The following PIK3C3 variants were observed in gnomAD, a reference collection of about 807,000 sequenced individuals.
The protein encoded by PIK3C3 is PI3-kinase type 3.
Under a neutral mutation model 126.1 loss-of-function variants are expected in PIK3C3, and 95 were observed. That is an observed-to-expected ratio of 0.75 (90% CI 0.64 to 0.89). The LOEUF is 0.89. PIK3C3 is among the 40% of genes least tolerant of loss of function. The probability of loss-of-function intolerance (pLI) is 0.00; values close to 1 mark genes in which losing one functional copy is unlikely to be tolerated. For synonymous variants in PIK3C3, 374 were observed against 360.0 expected (o/e 1.04, Z -0.44); for missense variants, 829 against 1,063.2 (o/e 0.78, Z 3.06).
At position 42,036,288 on chromosome 18, in the gene PIK3C3, G is replaced by C. The variant is rs568295789; in HGVS notation, c.1840-1404G>C. On this transcript the variant is annotated intron_variant, in intron 16 of 24. Coordinates refer to ENST00000262039, the MANE Select transcript of PIK3C3 (RefSeq NM_002647.4). The stretch of plus-strand genomic sequence containing the variant: ...GCAAAGTTGAAGGAGTTTTACAGTA[G>C]ACAACCGTGTATCTACCACTTTAAT... Among the ~76,000 whole-genome samples, 4 of 152,216 alleles carry C rather than the reference G, an allele frequency of 2.6e-5. No individual in the cohort carries two copies. The South Asian group carries it at 6.2e-4, about 24-fold the overall frequency.
intron 20 of PIK3C3, among the ~76,000 whole-genome samples, chr18:42,046,010 G>A (rs889431039): frequency 2.0e-5 from 3 of 151,952 alleles, no homozygotes; most frequent in South Asian, 2.1e-4. Context: ...GCTTAATGTC[G>A]TACCATTGTG....
chr18:42,028,811 A>G (rs910465817), intron 14 of PIK3C3, among the ~76,000 whole-genome samples: 2 of 152,244 alleles, frequency 1.3e-5, no homozygotes, highest in African/African-American at 2.4e-5. Context: ...TTTATGAACT[A>G]GGAATCACTA....
At chr18:42,021,827 T>A (rs566769296) in intron 13 of PIK3C3, among the ~76,000 whole-genome samples, 1 of 152,294 alleles carries the variant, frequency 6.6e-6, no homozygotes, top group South Asian at 2.1e-4. Context: ...GATTTTGAAT[T>A]TTTGGATTTA....
rs749824921 is a variant in PIK3C3 at position 41,990,464 on chromosome 18, A to G, written c.624A>G (p.Glu208=). 3.6e-5 allele frequency: 56 copies of G among 1,572,778 alleles called. No individual in the cohort carries two copies. The highest frequency in any genetic ancestry group is 4.6e-5 in the Non-Finnish European group (53 of 1,143,908). The change falls in exon 6 of 25, where the codon GAA becomes GAG. Residue 208 remains glutamate (E), a synonymous_variant. Transcript: ENST00000262039. ...FREIEMINES[E]KRSSNFMYLM... is the part of the protein sequence containing the mutation. ...AAAATCATTTTTTTTTTCAGAGTGA[A>G]AAACGAAGTTCTAATTTCATGTACC...
At position 41,990,544 on chromosome 18, in the gene PIK3C3, A is replaced by G; in HGVS notation, c.704A>G (p.Tyr235Cys). ...GATGATAAGGAATATGGTATTGTTT[A>G]TTATGAAAAGGTATTTCCCTTGGAA... is the stretch of plus-strand genomic sequence containing the variant. ...KCDDKEYGIVYYEKDGDESSP... is the reference protein window; with the variant it reads ...KCDDKEYGIVCYEKDGDESSP... The change falls in exon 6 of 25, where the codon TAT (tyrosine) becomes TGT (cysteine). Residue 235 changes from tyrosine to cysteine, a missense_variant. This residue lies in a region of PIK3C3 where 313 missense variants were observed against 340.7 expected (regional missense o/e 0.92). Transcript: ENST00000262039. 6.4e-7 allele frequency: 1 copy of G among 1,554,442 alleles called. No individual in the cohort carries two copies. The highest frequency in any genetic ancestry group is 8.9e-7 in the Non-Finnish European group (1 of 1,126,824).
intron 9 of PIK3C3, among the ~76,000 whole-genome samples, chr18:41,997,086 A>T (rs1982063383): frequency 6.6e-6 from 1 of 152,156 alleles, no homozygotes; most frequent in Admixed American, 6.6e-5. Context: ...AAGATAATAC[A>T]GGTAAGTAAC....
chr18:41,980,912 A>T (rs1348851182), intron 4 of PIK3C3, among the ~76,000 whole-genome samples: 1 of 152,164 alleles, frequency 6.6e-6, no homozygotes, highest in Non-Finnish European at 1.5e-5. Context: ...TGAGCAGAAG[A>T]GTCTTATATT....
intron 9 of PIK3C3, among the ~76,000 whole-genome samples, chr18:42,003,674 C>T (rs1391546658): frequency 6.6e-6 from 1 of 152,200 alleles, no homozygotes; most frequent in Non-Finnish European, 1.5e-5. Flanking sequence ...GTGAAAACTT[C>T]CGTGTGCTGC....
At chr18:42,074,465 T>C (rs1985898610) in intron 24 of PIK3C3, among the ~76,000 whole-genome samples, 1 of 152,154 alleles carries the variant, frequency 6.6e-6, no homozygotes, top group Non-Finnish European at 1.5e-5. Context: ...TACTCTCCTT[T>C]AACAAACATG....
intron 11 of PIK3C3, among the ~76,000 whole-genome samples, chr18:42,014,680 T>C (rs1264957312): frequency 6.6e-6 from 1 of 152,208 alleles, no homozygotes; most frequent in African/African-American, 2.4e-5. Context: ...AGGTTTGTTA[T>C]TGACAAAACC....
chr18:42,078,715 A>T (rs1986129397), intron 24 of PIK3C3, among the ~76,000 whole-genome samples: 1 of 152,188 alleles, frequency 6.6e-6, no homozygotes, highest in African/African-American at 2.4e-5. Flanking sequence ...TTCATCAATG[A>T]TCTTAGCTAA....
At chr18:42,072,570 GC>G (rs1327145812) in intron 24 of PIK3C3, among the ~76,000 whole-genome samples, 3 of 151,782 alleles carry the variant, frequency 2.0e-5, no homozygotes, top group Non-Finnish European at 2.9e-5. Context: ...TTGTTCTGTC[GC>G]CCCCCACTGG....
chr18:42,026,253 A>C (rs1188215565), intron 13 of PIK3C3: 4 of 152,212 alleles, frequency 2.6e-5, no homozygotes. Context: ...AAGCAAGTTG[A>C]TTGAGATTGA....
chr18:41,991,024 T>C (rs1981749799), intron 6 of PIK3C3, among the ~76,000 whole-genome samples: 1 of 152,280 alleles, frequency 6.6e-6, no homozygotes, highest in African/African-American at 2.4e-5. Flanking sequence ...ATTTGTACAA[T>C]AGATGCAAAA....
At chr18:41,970,302 C>T (rs1598853867) in intron 3 of PIK3C3, 25 bp from the exon 4 acceptor site, 1 of 1,606,884 alleles carries the variant, frequency 6.2e-7, no homozygotes, top group East Asian at 2.2e-5. Context: ...TTTACTTCTA[C>T]CCTGAACATT....
At chr18:41,990,233 A>T (rs1388266618) in intron 5 of PIK3C3, among the ~76,000 whole-genome samples, 1 of 152,202 alleles carries the variant, frequency 6.6e-6, no homozygotes, top group Non-Finnish European at 1.5e-5. Context: ...GAAAGCAGTT[A>T]TAAGTGCATA....
At chr18:42,000,012 C>T (rs1476834333) in intron 9 of PIK3C3, among the ~76,000 whole-genome samples, 10 of 152,162 alleles carry the variant, frequency 6.6e-5, no homozygotes, top group South Asian at 2.1e-4. Context: ...CGACAAGAAA[C>T]GACTAAAGCA....
intron 12 of PIK3C3, among the ~76,000 whole-genome samples, chr18:42,020,405 T>C (rs1983268435): frequency 6.6e-6 from 1 of 152,084 alleles, no homozygotes; most frequent in Non-Finnish European, 1.5e-5. Flanking sequence ...CCTCTACCAA[T>C]ATGAAGCTCC....
intron 3 of PIK3C3, among the ~76,000 whole-genome samples, chr18:41,966,175 T>TC (rs59910026): frequency 0.029 from 4,136 of 144,776 alleles, 230 homozygotes; most frequent in African/African-American, 0.11. Flanking sequence ...AGTATATTGT[T>TC]CCTTTTTTTT....
Sources: gnomAD v4.1 joint callset for allele counts (sites outside exome capture counted in the v4.1 genomes callset) on GRCh38, gnomAD v4.1.1 for gene constraint, gnomAD v4.1.1 regional missense constraint, MANE v1.5 for transcripts, NCBI Gene and HGNC (gene_info 2026-07-23, HGNC 2026-07-21) for gene names.